LRRC49: variants seen among roughly 807,000 people sequenced by gnomAD.
The protein encoded by LRRC49 is leucine-rich repeat-containing protein 49.
A neutral mutation model predicts 83.3 loss-of-function variants in LRRC49; 50 were observed. The ratio of observed to expected loss-of-function variants is 0.60; its 90% CI spans 0.48 to 0.76. The LOEUF (loss-of-function observed/expected upper bound fraction) is 0.76, where lower values mean the gene tolerates loss of function less well. Among genes scored for constraint, LRRC49 ranks in the 30% least tolerant of loss-of-function variants. The probability of loss-of-function intolerance (pLI) is 0.00; values close to 1 mark genes in which losing one functional copy is unlikely to be tolerated. For synonymous variants in LRRC49, 286 were observed against 283.3 expected, an observed-to-expected ratio of 1.01 and a Z score of -0.10; for missense variants, 704 against 809.1, an observed-to-expected ratio of 0.87 and a Z score of 1.58.
intron 4 of LRRC49, among the ~76,000 whole-genome samples, chr15:70,901,379 A>C (rs1256373494): frequency 6.6e-6 from 1 of 152,060 alleles, no homozygotes; most frequent in African/African-American, 2.4e-5. Context: ...CACTGGCTTC[A>C]TCTCTTCCTA....
At chr15:70,895,631 C>T (rs924394260) in intron 2 of LRRC49, 9 of 433,622 alleles carry the variant, frequency 2.1e-5, no homozygotes, top group African/African-American at 1.6e-4. Context: ...CCATTCCCTG[C>T]TTCCCTTAAA....
At chr15:70,940,296 G>A (rs1377418575) in intron 8 of LRRC49, among the ~76,000 whole-genome samples, 2 of 128,044 alleles carry the variant, frequency 1.6e-5, no homozygotes, top group Non-Finnish European at 3.1e-5. Flanking sequence ...TCGCTCTGTC[G>A]CCCAGGCTGG....
chr15:70,892,084 A>C (rs1567038127), upstream of LRRC49: 1 of 1,613,866 alleles, frequency 6.2e-7, no homozygotes, highest in Non-Finnish European at 8.5e-7. Context: ...AAGAGACGTC[A>C]AAACAGGCTG....
rs1474953958 is a variant in LRRC49 at position 71,037,719 on chromosome 15, C to T, written c.1857+387C>T. On this transcript the variant is annotated intron_variant, in intron 15 of 15. Transcript: ENST00000260382. ...CCATCAGAGAACACAGCAGGACCTC[C>T]GTTTTTGTTCTCCTTACTGGGACCA... Among the ~76,000 whole-genome samples the T allele has an allele frequency of 2.6e-5, 4 of 152,126 alleles. No individual in the cohort carries two copies. The East Asian group carries it at 5.8e-4, about 22-fold the overall frequency.
chr15:70,873,185 A>G, exon 2 of LRRC49: 5 of 1,535,856 alleles, frequency 3.3e-6, no homozygotes, highest in Non-Finnish European at 4.4e-6. Context: ...TCGCCCAGCC[A>G]ACTTGACATA....
At chr15:70,915,991 C>T (rs2034757240) in intron 6 of LRRC49, among the ~76,000 whole-genome samples, 1 of 152,162 alleles carries the variant, frequency 6.6e-6, no homozygotes, top group Admixed American at 6.5e-5. Context: ...TTTTAGCTAA[C>T]ATCTGCTTTG....
At chr15:70,874,155 G>A (rs1339518332) in intron 2 of LRRC49, among the ~76,000 whole-genome samples, 2 of 152,116 alleles carry the variant, frequency 1.3e-5, no homozygotes, top group Non-Finnish European at 2.9e-5. Flanking sequence ...AACTGCAAAC[G>A]CCATCTTGGA....
At chr15:70,875,480 G>A (rs943021821) in intron 2 of LRRC49, among the ~76,000 whole-genome samples, 4 of 152,256 alleles carry the variant, frequency 2.6e-5, no homozygotes, top group African/African-American at 4.8e-5. Flanking sequence ...AAAAACAGCC[G>A]TACTTTACAG....
At chr15:70,943,838 T>C (rs1251360282) in intron 8 of LRRC49, among the ~76,000 whole-genome samples, 1 of 152,170 alleles carries the variant, frequency 6.6e-6, no homozygotes, top group Non-Finnish European at 1.5e-5. Context: ...CCCTGGTGCC[T>C]GCTGCAACCA....
At chr15:70,923,405 G>A (rs1291490166) in intron 7 of LRRC49, among the ~76,000 whole-genome samples, 1 of 151,898 alleles carries the variant, frequency 6.6e-6, no homozygotes, top group Non-Finnish European at 1.5e-5. Flanking sequence ...AAGCATACAA[G>A]TTTAAAATTA....
chr15:71,053,629 G>A lies in LRRC49; in HGVS notation c.*4017G>A, dbSNP rs1486512685. On this transcript the variant is annotated 3_prime_UTR_variant, in exon 16 of 16. Transcript: ENST00000260382. Reference sequence around the variant, plus strand: ...TTGTTTATGCTATCTTTATATTTAAGAGAATAAACCTATCACTTGCTAAAT... The same window carrying A: ...TTGTTTATGCTATCTTTATATTTAAAAGAATAAACCTATCACTTGCTAAAT... The A allele has an allele frequency of 6.6e-6, 1 of 152,430 alleles. No individual in the cohort carries two copies. The highest frequency in any genetic ancestry group is 2.4e-5 in the African/African-American group (1 of 41,468). The allele number at this position is 152,430 out of a possible 1,614,324, so 9.4% of individuals were successfully genotyped here. A position where few individuals can be genotyped will look rare whatever the true frequency, so the allele number is the denominator to read the frequency against.
At chr15:70,873,125 T>A (rs1288171126) in exon 2 of LRRC49, 1 of 1,174,974 alleles carries the variant, frequency 8.5e-7, no homozygotes, top group Non-Finnish European at 1.2e-6. Context: ...CCTCAAGTGA[T>A]CCACCCGCCT....
At position 70,984,178 on chromosome 15, in the gene LRRC49, G is replaced by C. The variant is rs773475218; in HGVS notation, c.1090G>C (p.Asp364His). ...AGTAGCCAATATTGCTACAAATGAA[G>C]ATAGAAAAGATTCTGACTCTCCTCA... ...QRVANIATNE[D>H]RKDSDSPQDP... Residue 364 changes from aspartate (D) to histidine (H), a missense_variant, in exon 11 of 16, where the codon GAT becomes CAT. Physicochemically the swap from Asp to His is moderately conservative, Grantham distance 81. This residue lies in a region of LRRC49 where 168 missense variants were observed against 140.6 expected (regional missense o/e 1.20). Transcript: ENST00000260382. 1 of 1,613,400 alleles carries C rather than the reference G, an allele frequency of 6.2e-7. No homozygotes were observed. The highest frequency in any genetic ancestry group is 1.1e-5 in the South Asian group (1 of 91,044).
At chr15:70,900,680 C>T (rs575865501) in intron 3 of LRRC49, 14 of 471,472 alleles carry the variant, frequency 3.0e-5, no homozygotes, top group South Asian at 1.7e-4. Context: ...TAGTTCTGTA[C>T]TTTCAACCAA....
intron 9 of LRRC49, among the ~76,000 whole-genome samples, chr15:70,977,302 T>A (rs1194360147): frequency 1.3e-5 from 2 of 152,220 alleles, no homozygotes; most frequent in Non-Finnish European, 2.9e-5. Context: ...ATTTTTAATT[T>A]AGTTTATTTC....
intron 2 of LRRC49, chr15:70,873,255 G>A: frequency 2.0e-6 from 3 of 1,533,456 alleles, no homozygotes; most frequent in Middle Eastern, 1.7e-4. Context: ...ACATAATTTT[G>A]TATAACAATT....
At chr15:70,898,059 A>G (rs1369335523) in intron 3 of LRRC49, among the ~76,000 whole-genome samples, 1 of 152,180 alleles carries the variant, frequency 6.6e-6, no homozygotes, top group African/African-American at 2.4e-5. Context: ...CATATATGGC[A>G]ATATGTACTA....
chr15:70,880,579 T>A lies in LRRC49; in HGVS notation c.18+7356T>A, dbSNP rs573541207. On this transcript the variant is annotated intron_variant, in intron 2 of 16. Coordinates refer to the LRRC49 transcript ENST00000544974. ...CAAACAATATAATATAAACTATAAG[T>A]TCCTTATACGTCATTTAAAATAAAG... 1.2e-4 allele frequency among the ~76,000 whole-genome samples: 18 copies of A among 152,312 alleles called. No individual in the cohort carries two copies. The South Asian group carries it at 3.7e-3, about 32-fold the overall frequency.
chr15:70,924,231 A>G lies in LRRC49; in HGVS notation c.711+5038A>G, dbSNP rs188352888. On this transcript the variant is annotated intron_variant, in intron 7 of 15. Coordinates refer to ENST00000260382, the MANE Select transcript of LRRC49 (RefSeq NM_017691.5). ...TTAACTTCCAACCTTTCTCTTAAAA[A>G]GAATGCATAGCCCCCCTTTTAAACA... Among the ~76,000 whole-genome samples, 190 of 152,068 alleles carry G rather than the reference A, an allele frequency of 1.2e-3. 1 individual carries two copies. Among genetic ancestry groups the G allele is most frequent in the Admixed American group, 0.011 (175 of 15,280 alleles).
Sources: allele counts gnomAD v4.1 joint callset (sites outside exome capture counted in the v4.1 genomes callset), GRCh38; gene constraint gnomAD v4.1.1; regional missense constraint gnomAD v4.1.1; transcripts MANE v1.5; gene names NCBI Gene and HGNC (gene_info 2026-07-23, HGNC 2026-07-21).